The following ZNF827 variants were observed in gnomAD, a reference collection of about 807,000 sequenced individuals.
ZNF827 encodes the protein zinc finger protein 827.
Under a neutral mutation model 102.4 loss-of-function variants are expected in ZNF827, and 13 were observed. That is an observed-to-expected ratio of 0.13 (90% CI 0.08 to 0.20). ZNF827 has a LOEUF of 0.20. Ranked by LOEUF, ZNF827 falls within the 10% of genes least tolerant of loss-of-function variation. The pLI is 1.00. For synonymous variants in ZNF827, 523 were observed against 536.2 expected (o/e 0.98, Z 0.34); for missense variants, 1,103 against 1,344.4 (o/e 0.82, Z 2.81).
chr4:145,905,679 G>C (rs915607593), intron 1 of ZNF827, among the ~76,000 whole-genome samples: 1 of 152,074 alleles, frequency 6.6e-6, no homozygotes, highest in Non-Finnish European at 1.5e-5. Context: ...CAACAATAGG[G>C]CTAATTTTAT....
At chr4:145,804,813 T>G (rs1013694452) in intron 8 of ZNF827, among the ~76,000 whole-genome samples, 1 of 152,222 alleles carries the variant, frequency 6.6e-6, no homozygotes, top group Non-Finnish European at 1.5e-5. Flanking sequence ...AAGATGCCTA[T>G]TATGTATTAG....
intron 7 of ZNF827, among the ~76,000 whole-genome samples, chr4:145,829,157 A>AT (rs34268634): frequency 0.26 from 39,054 of 152,016 alleles, 5,277 homozygotes; most frequent in Non-Finnish European, 0.29. Context: ...GAAGAAACAG[A>AT]TTTTTTTTCT....
At chr4:145,909,316 G>A (rs139241769) in intron 1 of ZNF827, among the ~76,000 whole-genome samples, 2 of 152,332 alleles carry the variant, frequency 1.3e-5, no homozygotes, top group Non-Finnish European at 2.9e-5. Context: ...ACCGCATGAA[G>A]CAATAAGGGA....
chr4:145,823,790 G>C (rs535936186), intron 7 of ZNF827, among the ~76,000 whole-genome samples: 5 of 152,220 alleles, frequency 3.3e-5, no homozygotes, highest in African/African-American at 4.8e-5. Context: ...TGTTAAACCC[G>C]TAGAGGAGGA....
chr4:145,872,363 A>G (rs926818705), intron 4 of ZNF827, among the ~76,000 whole-genome samples: 1 of 152,182 alleles, frequency 6.6e-6, no homozygotes, highest in East Asian at 1.9e-4. Context: ...CACACAGAGG[A>G]AAGTCTGCAC....
In ZNF827 at chr4:145,758,185, A is replaced by G. The variant is rs969619528; in HGVS notation, c.*3431T>C. The G allele has an allele frequency of 6.6e-6, 1 of 152,244 alleles. No homozygotes were observed. Among genetic ancestry groups the G allele is most frequent in the African/African-American group, 2.4e-5 (1 of 41,472 alleles). The allele number at this position is 152,244 out of a possible 1,614,324, so 9.4% of individuals were successfully genotyped here. On this transcript the variant is annotated 3_prime_UTR_variant, in exon 15 of 15. Transcript: ENST00000508784. ...ACTCAGAAAACTTTTATAATTTACC[A>G]GAAAGATTGATGACTCTTTCCAAAG... is the stretch of plus-strand genomic sequence containing the variant.
At position 145,859,155 on chromosome 4, in the gene ZNF827, C is replaced by T. The variant is rs111643696; in HGVS notation, c.1982-9594G>A. Among the ~76,000 whole-genome samples, 309 of 152,150 alleles carry T rather than the reference C, an allele frequency of 2.0e-3. 4 individuals are homozygous for T. Among genetic ancestry groups the T allele is most frequent in the African/African-American group, 6.5e-3 (268 of 41,502 alleles). On this transcript the variant is annotated intron_variant, in intron 5 of 14. Transcript: ENST00000508784. ...ATCAGATAATAACAGAGACCAGAAC[C>T]CAGGCAATACCAGGAGTAAGATATG...
At chr4:145,787,464 GAAAAAAAA>G (rs35041321) in intron 8 of ZNF827, among the ~76,000 whole-genome samples, 1 of 83,216 alleles carries the variant, frequency 1.2e-5, no homozygotes, top group African/African-American at 4.4e-5. Flanking sequence ...TCCGTCTCAG[GAAAAAAAA>G]AAAAAAAAAA....
chr4:145,890,506 T>C (rs1202628401), intron 3 of ZNF827, among the ~76,000 whole-genome samples: 2 of 152,200 alleles, frequency 1.3e-5, no homozygotes, highest in African/African-American at 4.8e-5. Flanking sequence ...CTGCTTTTTT[T>C]CCATGGGTTT....
At chr4:145,857,379 A>G (rs1579392429) in intron 5 of ZNF827, among the ~76,000 whole-genome samples, 2 of 152,218 alleles carry the variant, frequency 1.3e-5, no homozygotes, top group Admixed American at 1.3e-4. Context: ...TACATGAAAC[A>G]TATCATTTTC....
Position 145,761,113 on chromosome 4 carries a change from ACCAGGAGCGGGGCCC to A in ZNF827, c.*488_*502del. The A allele has an allele frequency of 7.8e-7, 1 of 1,289,552 alleles. No homozygotes were observed. Among genetic ancestry groups the A allele is most frequent in the Non-Finnish European group, 1.0e-6 (1 of 988,700 alleles). The allele number at this position is 1,289,552 out of a possible 1,614,324, so 79.9% of individuals were successfully genotyped here. On this transcript the variant is annotated 3_prime_UTR_variant, in exon 15 of 15. Coordinates refer to ENST00000508784, the MANE Select transcript of ZNF827 (RefSeq NM_001306215.2). This position sits in a 1 kb window ranked among gnomAD's most constrained non-coding sequence, Gnocchi z 6.8. ...CAGGAGATTCCGGGAGCTCCCGACC[ACCAGGAGCGGGGCCC>A]CCGGGCCGGCCGGTTCCTTGGGGGC...
intron 11 of ZNF827, among the ~76,000 whole-genome samples, chr4:145,766,244 C>T (rs1192646044): frequency 1.3e-5 from 2 of 152,066 alleles, no homozygotes; most frequent in African/African-American, 4.8e-5. Flanking sequence ...GGACCCTCTC[C>T]CTCAAAGCCA....
intron 1 of ZNF827, among the ~76,000 whole-genome samples, chr4:145,923,250 G>C (rs1753200855): frequency 1.3e-5 from 2 of 152,136 alleles, no homozygotes; most frequent in African/African-American, 2.4e-5. Context: ...TATCTGAAAA[G>C]ACTATTACAT....
At chr4:145,847,844 T>C (rs900848843) in intron 6 of ZNF827, among the ~76,000 whole-genome samples, 9 of 152,250 alleles carry the variant, frequency 5.9e-5, no homozygotes, top group African/African-American at 1.9e-4. Flanking sequence ...TCTCACACTT[T>C]GTACTGCTAG....
intron 7 of ZNF827, among the ~76,000 whole-genome samples, chr4:145,833,473 G>A (rs564736649): frequency 2.6e-5 from 4 of 152,176 alleles, no homozygotes; most frequent in South Asian, 2.1e-4. Context: ...GGCAAGTCCC[G>A]CTTTCCTGGG....
intron 7 of ZNF827, among the ~76,000 whole-genome samples, chr4:145,845,308 C>T (rs1745822937): frequency 6.6e-6 from 1 of 152,244 alleles, no homozygotes; most frequent in Admixed American, 6.5e-5. Flanking sequence ...TCCTCCTCTT[C>T]TCACAACGGC....
chr4:145,859,410 G>A (rs1007145016), intron 5 of ZNF827, among the ~76,000 whole-genome samples: 13 of 152,080 alleles, frequency 8.5e-5, no homozygotes, highest in East Asian at 3.8e-4. Flanking sequence ...AGAAATCTTC[G>A]CAACAGCCAA....
intron 8 of ZNF827, among the ~76,000 whole-genome samples, chr4:145,784,323 A>G (rs142828219): frequency 8.3e-4 from 126 of 152,350 alleles, no homozygotes; most frequent in Admixed American, 1.2e-3. Context: ...TGTGAGGGAA[A>G]TAAGTCCCTG....
chr4:145,935,833 G>C (rs1452791106), intron 1 of ZNF827, among the ~76,000 whole-genome samples: 1 of 152,132 alleles, frequency 6.6e-6, no homozygotes, highest in Admixed American at 6.5e-5. Flanking sequence ...AGTCGCAGGA[G>C]GTCAGGGTCA....
Sources: gnomAD v4.1 joint callset for allele counts (sites outside exome capture counted in the v4.1 genomes callset) on GRCh38, gnomAD v4.1.1 for gene constraint, Gnocchi (gnomAD v3.1) non-coding constraint, MANE v1.5 for transcripts, NCBI Gene and HGNC (gene_info 2026-07-23, HGNC 2026-07-21) for gene names.